The following ADI1 variants were observed in gnomAD, a reference collection of about 807,000 sequenced individuals.
ADI1 encodes the protein acireductone dioxygenase 1, also known as acireductone dioxygenase.
ADI1 carries 21 observed loss-of-function variants against 18.7 expected under a neutral mutation model. That is an observed-to-expected ratio of 1.13 (90% CI 0.80 to 1.62). ADI1 has a LOEUF of 1.62. ADI1 is among the 40% of genes most tolerant of loss of function. The pLI is 0.00. For synonymous variants in ADI1, 90 were observed against 100.1 expected (o/e 0.90, Z 0.60); for missense variants, 245 against 254.9 (o/e 0.96, Z 0.26).
At chr2:3,512,580 T>A (rs1428124929) in intron 2 of ADI1, among the ~76,000 whole-genome samples, 1 of 152,160 alleles carries the variant, frequency 6.6e-6, no homozygotes, top group Non-Finnish European at 1.5e-5. Flanking sequence ...GTGGCTTCCA[T>A]GTGTTATTAA....
intron 2 of ADI1, among the ~76,000 whole-genome samples, chr2:3,507,801 G>C (rs185734259): frequency 2.0e-5 from 3 of 152,272 alleles, no homozygotes. Flanking sequence ...TTTATTCAAA[G>C]TAATGTCAGT....
chr2:3,516,732 C>A (rs1379986134), intron 1 of ADI1: 1 of 984,786 alleles, frequency 1.0e-6, no homozygotes, highest in African/African-American at 1.7e-5. Flanking sequence ...TTAGTTTATT[C>A]CAAGCTAAAA....
chr2:3,503,568 C>T lies in ADI1; in HGVS notation c.241-2575G>A, dbSNP rs147003595. 3.9e-3 allele frequency among the ~76,000 whole-genome samples: 599 copies of T among 151,958 alleles called. 249 individuals carry two copies. The highest frequency in any genetic ancestry group is 0.014 in the African/African-American group (578 of 41,262). ...ACACACTCACACACGTGCATTCACT[C>T]GCATGGTACTCATCCCGTCCACAGA... On this transcript the variant is annotated intron_variant, in intron 2 of 3. Transcript: ENST00000327435.
In ADI1 at chr2:3,500,535, ATGTACCTGCCGCCGCC is replaced by A. The variant is rs942875027; in HGVS notation, c.420+263_420+278del. On this transcript the variant is annotated intron_variant, in intron 3 of 3. Transcript: ENST00000327435. Reference sequence around the variant, plus strand: ...CTCGTGGGTGTGTACCTGCCGCCGCATGTACCTGCCGCCGCCTGTACCTGCCCCGCCTGGGTATGAA... The same window carrying A: ...CTCGTGGGTGTGTACCTGCCGCCGCATGTACCTGCCCCGCCTGGGTATGAA... 2.8e-4 allele frequency: 52 copies of A among 188,448 alleles called. 1 individual carries two copies. The highest frequency in any genetic ancestry group is 9.4e-4 in the South Asian group (15 of 15,968). The allele number at this position is 188,448 out of a possible 1,614,324, so 11.7% of individuals were successfully genotyped here. A position where few individuals can be genotyped will look rare whatever the true frequency, so the allele number is the denominator to read the frequency against.
intron 2 of ADI1, among the ~76,000 whole-genome samples, chr2:3,509,046 C>A (rs1667238863): frequency 6.6e-6 from 1 of 151,046 alleles, no homozygotes; most frequent in African/African-American, 2.4e-5. Context: ...GCCAAGGGAG[C>A]TATCTTAATT....
chr2:3,508,387 T>C (rs1295377729), intron 2 of ADI1, among the ~76,000 whole-genome samples: 1 of 82,948 alleles, frequency 1.2e-5, no homozygotes, highest in Non-Finnish European at 2.9e-5. Context: ...GCACAACAAA[T>C]AGAAAACAGT....
chr2:3,510,187 T>C (rs1572237351), intron 2 of ADI1, among the ~76,000 whole-genome samples: 1 of 147,952 alleles, frequency 6.8e-6, no homozygotes, highest in African/African-American at 2.5e-5. Flanking sequence ...TGGTGGCACA[T>C]ACCTGTAGTC....
chr2:3,504,423 G>A (rs1667126622), intron 2 of ADI1, among the ~76,000 whole-genome samples: 1 of 152,250 alleles, frequency 6.6e-6, no homozygotes, highest in Non-Finnish European at 1.5e-5. Flanking sequence ...TGTTATGTGA[G>A]ATAAAACGTG....
chr2:3,500,361 C>A (rs1002787120), intron 3 of ADI1, among the ~76,000 whole-genome samples: 1 of 152,208 alleles, frequency 6.6e-6, no homozygotes, highest in African/African-American at 2.4e-5. Flanking sequence ...GACTGGACTG[C>A]GTTACTGTTC....
In ADI1 at chr2:3,500,972, G is replaced by T; in HGVS notation, c.262C>A (p.His88Asn). Reference protein sequence around the residue: ...EEKIKMFYEEHLHLDDEIRYI... With the variant: ...EEKIKMFYEENLHLDDEIRYI... ...CGGATCTCATCGTCCAAGTGCAAAT[G>T]CTCCTCGTAGAACATCTTAATCTAG... Residue 88 changes from histidine (H) to asparagine (N), a missense_variant, in exon 3 of 4, where the codon CAT becomes AAT. His to Asn is a moderately conservative substitution (Grantham distance 68). Coordinates refer to ENST00000327435, the MANE Select transcript of ADI1 (RefSeq NM_018269.4). The T allele has an allele frequency of 6.2e-7, 1 of 1,611,030 alleles. No individual in the cohort carries two copies. Among genetic ancestry groups the T allele is most frequent in the African/African-American group, 1.3e-5 (1 of 75,006 alleles).
chr2:3,500,995 T>C lies in ADI1; in HGVS notation c.241-2A>G, dbSNP rs1187287624. 1 of 1,596,028 alleles carries C rather than the reference T, an allele frequency of 6.3e-7. No homozygotes were observed. The highest frequency in any genetic ancestry group is 8.5e-7 in the Non-Finnish European group (1 of 1,169,998). Reference sequence around the variant, plus strand: ...ATGCTCCTCGTAGAACATCTTAATCTAGTGCAGAAGGAACATTCCTGTGAG... The same window carrying C: ...ATGCTCCTCGTAGAACATCTTAATCCAGTGCAGAAGGAACATTCCTGTGAG... On this transcript the variant is annotated splice_acceptor_variant, in intron 2 of 3. Transcript: ENST00000327435. LOFTEE classifies it high-confidence loss of function.
At chr2:3,510,306 TAATAATAATAATAATGTCTGTTTCTAG>T (rs1667272496) in intron 2 of ADI1, among the ~76,000 whole-genome samples, 1 of 151,598 alleles carries the variant, frequency 6.6e-6, no homozygotes, top group African/African-American at 2.4e-5. Context: ...CAGAGCAAAG[TAATAATAATAATAATGTCTGTTTCTAG>T]AATAATAATA....
At chr2:3,506,146 C>A (rs1407002345) in intron 2 of ADI1, among the ~76,000 whole-genome samples, 1 of 152,310 alleles carries the variant, frequency 6.6e-6, no homozygotes, top group South Asian at 2.1e-4. Context: ...CTGAGAAACG[C>A]TGGTGAAGTT....
chr2:3,516,986 A>G, intron 1 of ADI1: 3 of 969,328 alleles, frequency 3.1e-6, no homozygotes, highest in Non-Finnish European at 1.2e-6. Flanking sequence ...TCAGCCTCCC[A>G]AAGTGCTGGG....
chr2:3,500,478 C>A, intron 3 of ADI1: 3 of 460,332 alleles, frequency 6.5e-6, no homozygotes, highest in East Asian at 3.8e-5. Context: ...AGAGATGCCT[C>A]ACCGCCAAGC....
chr2:3,500,071 A>G (rs1368408100), intron 3 of ADI1, among the ~76,000 whole-genome samples: 2 of 151,812 alleles, frequency 1.3e-5, no homozygotes, highest in Non-Finnish European at 1.5e-5. Context: ...TCTCAAAGAA[A>G]AAAAAAAAAA....
chr2:3,505,245 G>A (rs528142976), intron 2 of ADI1, among the ~76,000 whole-genome samples: 30 of 152,232 alleles, frequency 2.0e-4, no homozygotes, highest in Non-Finnish European at 4.0e-4. Flanking sequence ...AAATCTGTAA[G>A]AGAAGCGAAG....
At chr2:3,514,787 C>T (rs1034360625) in intron 1 of ADI1, 34 of 1,547,728 alleles carry the variant, frequency 2.2e-5, no homozygotes, top group Non-Finnish European at 2.9e-5. Context: ...ATAAACTGCA[C>T]ATTATATCAT....
intron 2 of ADI1, among the ~76,000 whole-genome samples, chr2:3,502,222 G>A (rs981160732): frequency 2.0e-5 from 3 of 152,020 alleles, no homozygotes; most frequent in Admixed American, 2.0e-4. Context: ...CTAGAGACAG[G>A]GTCTTATTAT....
Sources: gnomAD v4.1 joint callset for allele counts (sites outside exome capture counted in the v4.1 genomes callset) on GRCh38, gnomAD v4.1.1 for gene constraint, MANE v1.5 for transcripts, NCBI Gene and HGNC (gene_info 2026-07-23, HGNC 2026-07-21) for gene names.